The following TANGO2 variants were observed in gnomAD, a reference collection of about 807,000 sequenced individuals.
TANGO2 encodes the protein transport and Golgi organization protein 2 homolog.
TANGO2 carries 26 observed loss-of-function variants against 39.1 expected under a neutral mutation model. The ratio of observed to expected loss-of-function variants is 0.67; its 90% CI spans 0.49 to 0.92. The LOEUF (loss-of-function observed/expected upper bound fraction) is 0.92. Ranked by LOEUF, TANGO2 falls within the 40% of genes least tolerant of loss-of-function variation. The pLI is 0.00. For synonymous variants in TANGO2, 131 were observed against 144.5 expected (o/e 0.91, Z 0.67); for missense variants, 326 against 360.1 (o/e 0.91, Z 0.77).
upstream of TANGO2, among the ~76,000 whole-genome samples, chr22:20,020,855 G>T (rs1321455214): frequency 6.6e-6 from 1 of 152,120 alleles, no homozygotes; most frequent in African/African-American, 2.4e-5. Flanking sequence ...GTCCCTGCAG[G>T]CAGGGAGCCG....
At chr22:20,053,713 A>T in intron 5 of TANGO2, 162 bp downstream of exon 5, 1 of 666,002 alleles carries the variant, frequency 1.5e-6, no homozygotes, top group South Asian at 1.5e-5. Context: ...CCTGTCACAG[A>T]TGTACCAACT....
At chr22:20,040,687 G>T (rs1364557075) in intron 2 of TANGO2, among the ~76,000 whole-genome samples, 3 of 152,140 alleles carry the variant, frequency 2.0e-5, no homozygotes, top group Non-Finnish European at 2.9e-5. Context: ...GCCCATCCAG[G>T]TCTGGGGCAA....
intron 1 of TANGO2, among the ~76,000 whole-genome samples, chr22:20,022,180 A>C (rs1259887505): frequency 1.3e-5 from 2 of 152,234 alleles, no homozygotes; most frequent in African/African-American, 4.8e-5. Flanking sequence ...AGTCCTGCTC[A>C]TACAAGGAAA....
At chr22:20,036,672 G>A in intron 1 of TANGO2, 88 bp from the exon 2 acceptor site, 1 of 1,104,202 alleles carries the variant, frequency 9.1e-7, no homozygotes, top group South Asian at 1.3e-5. Flanking sequence ...CACAGAGGTG[G>A]TTCTCTCTGT....
chr22:20,029,091 G>A (rs2041347541), intron 1 of TANGO2, among the ~76,000 whole-genome samples: 1 of 152,232 alleles, frequency 6.6e-6, no homozygotes, highest in Non-Finnish European at 1.5e-5. Context: ...TGGTTTTCTT[G>A]TCGTGCCTTT....
chr22:20,018,980 G>A (rs889994766), upstream of TANGO2, among the ~76,000 whole-genome samples: 1 of 152,242 alleles, frequency 6.6e-6, no homozygotes, highest in Non-Finnish European at 1.5e-5. Context: ...AGCTACTTGG[G>A]AGGCTGAGGC....
rs1178656498 is a variant in TANGO2, at chr22:20,061,606, G to A, written c.528G>A (p.Glu176=). Residue 176 remains glutamate (E), a synonymous_variant, in exon 7 of 9, where the codon GAG becomes GAA. Coordinates refer to ENST00000327374, the MANE Select transcript of TANGO2 (RefSeq NM_152906.7). The stretch of plus-strand genomic sequence containing the variant: ...GCTTTGGGAAGCAGCTCTTCCTGGA[G>A]GCTGTGGAACGGAGCCAGGCGCTGC... The part of the protein sequence containing the change: ...KLCFGKQLFL[E]AVERSQALPK... The A allele has an allele frequency of 1.9e-6, 3 of 1,589,308 alleles. No individual in the cohort carries two copies. The East Asian group carries it at 6.8e-5, about 36-fold the overall frequency.
Position 20,037,941 on chromosome 22 carries a change from T to C in TANGO2, c.56+1087T>C, listed in dbSNP as rs151230449. Among the ~76,000 whole-genome samples, 485 of 152,114 alleles carry C rather than the reference T, an allele frequency of 3.2e-3. 4 individuals are homozygous for C. The highest frequency in any genetic ancestry group is 5.4e-3 in the Non-Finnish European group (365 of 67,992). ...CTCTACTAAAAACACACAAAAAAAT[T>C]AGCTGGGCATGGGGGTGGGCGCCTG... On this transcript the variant is annotated intron_variant, in intron 2 of 8. Coordinates refer to ENST00000327374, the MANE Select transcript of TANGO2 (RefSeq NM_152906.7).
upstream of TANGO2, among the ~76,000 whole-genome samples, chr22:20,018,525 C>A (rs537187336): frequency 1.5e-4 from 23 of 152,220 alleles, no homozygotes; most frequent in Non-Finnish European, 3.1e-4. Context: ...ACCACCCCCT[C>A]CCCACACTTG....
chr22:20,022,597 T>G (rs886272079), intron 1 of TANGO2, among the ~76,000 whole-genome samples: 5 of 152,258 alleles, frequency 3.3e-5, no homozygotes, highest in African/African-American at 1.2e-4. Flanking sequence ...CCTCTTGTGC[T>G]TCCTTGGTCT....
At chr22:20,046,133 C>T (rs962685896) in intron 3 of TANGO2, among the ~76,000 whole-genome samples, 4 of 152,028 alleles carry the variant, frequency 2.6e-5, no homozygotes, top group African/African-American at 2.4e-5. Context: ...AAGGAAAAAG[C>T]TGAGTCTGGG....
intron 2 of TANGO2, among the ~76,000 whole-genome samples, chr22:20,041,084 G>T (rs1021509641): frequency 2.6e-5 from 4 of 151,388 alleles, no homozygotes; most frequent in Non-Finnish European, 4.4e-5. Context: ...GGCACTGAGT[G>T]GGGGGCACAC....
At chr22:20,039,534 C>G (rs897898927) in intron 2 of TANGO2, among the ~76,000 whole-genome samples, 1 of 151,826 alleles carries the variant, frequency 6.6e-6, no homozygotes, top group Admixed American at 6.6e-5. Flanking sequence ...GAGGCTAAGG[C>G]AGGAGAATTG....
chr22:20,027,755 A>C (rs1389320707), intron 1 of TANGO2, among the ~76,000 whole-genome samples: 1 of 151,138 alleles, frequency 6.6e-6, no homozygotes. Context: ...CTACAGATGC[A>C]TGTCACCATG....
intron 2 of TANGO2, among the ~76,000 whole-genome samples, chr22:20,038,439 A>G (rs762517198): frequency 6.6e-6 from 1 of 152,038 alleles, no homozygotes; most frequent in Non-Finnish European, 1.5e-5. Flanking sequence ...GAGTGCTCCC[A>G]TCTCTGGAAA....
intron 2 of TANGO2, among the ~76,000 whole-genome samples, chr22:20,038,510 G>A (rs886772335): frequency 6.6e-6 from 1 of 152,172 alleles, no homozygotes; most frequent in South Asian, 2.1e-4. Context: ...TGGGTGGAGA[G>A]GAGGAGGGTT....
At chr22:20,049,715 T>C (rs1292141665) in intron 3 of TANGO2, among the ~76,000 whole-genome samples, 1 of 152,078 alleles carries the variant, frequency 6.6e-6, no homozygotes, top group Non-Finnish European at 1.5e-5. Flanking sequence ...TGCCTTCTTT[T>C]TCGGGACTAT....
chr22:20,045,520 T>C (rs952074067), intron 3 of TANGO2, among the ~76,000 whole-genome samples: 3 of 111,536 alleles, frequency 2.7e-5, no homozygotes, highest in African/African-American at 1.2e-4. Flanking sequence ...TTTTTTTTTT[T>C]GAGATGGAAT....
upstream of TANGO2, among the ~76,000 whole-genome samples, chr22:20,017,378 G>A (rs1945264154): frequency 6.6e-6 from 1 of 152,164 alleles, no homozygotes; most frequent in South Asian, 2.1e-4. Flanking sequence ...TGGGGCCTGG[G>A]GGCTCTCTCA....
Sources: allele counts gnomAD v4.1 joint callset (sites outside exome capture counted in the v4.1 genomes callset), GRCh38; gene constraint gnomAD v4.1.1; transcripts MANE v1.5; gene names NCBI Gene and HGNC (gene_info 2026-07-23, HGNC 2026-07-21).